PRDM4: variants seen among roughly 807,000 people sequenced by gnomAD.
PRDM4 encodes PR domain zinc finger protein 4.
PRDM4 carries 38 observed loss-of-function variants against 62.3 expected under a neutral mutation model. That is an observed-to-expected ratio of 0.61 (90% CI 0.47 to 0.80). The LOEUF (loss-of-function observed/expected upper bound fraction) is 0.80. Among genes scored for constraint, PRDM4 ranks in the 30% least tolerant of loss-of-function variants. The pLI is 0.00. For synonymous variants in PRDM4, 339 were observed against 348.2 expected (o/e 0.97, Z 0.30); for missense variants, 858 against 997.1 (o/e 0.86, Z 1.88).
At position 107,739,196 on chromosome 12, in the gene PRDM4, C is replaced by G. The variant is rs146262943; in HGVS notation, c.2093+187G>C. ...AAGAAAGCCAACAACTGAAATCTTC[C>G]AGGATAACACCAAAAAAAGTGTTCC... On this transcript the variant is annotated intron_variant, in intron 11 of 11. Transcript: ENST00000228437. 382 of 531,062 alleles carry G rather than the reference C, an allele frequency of 7.2e-4. 2 individuals are homozygous for G. The East Asian group carries it at 0.012, about 16-fold the overall frequency. 32.9% of individuals were successfully genotyped at this position (531,062 alleles called of 1,614,324 possible).
chr12:107,739,254 C>A (rs1890437206), intron 11 of PRDM4, 129 bp downstream of exon 11: 2 of 1,004,208 alleles, frequency 2.0e-6, no homozygotes, highest in Non-Finnish European at 2.8e-6. Context: ...ACACAGAAGG[C>A]ATCTACCATG....
intron 10 of PRDM4, among the ~76,000 whole-genome samples, chr12:107,740,342 T>C (rs1890477156): frequency 6.6e-6 from 1 of 151,824 alleles, no homozygotes; most frequent in Admixed American, 6.6e-5. Flanking sequence ...CAAAAATTAG[T>C]CAGGTGTGGT....
chr12:107,746,947 C>A (rs1360703497), intron 5 of PRDM4, among the ~76,000 whole-genome samples: 1 of 151,724 alleles, frequency 6.6e-6, no homozygotes, highest in Non-Finnish European at 1.5e-5. Context: ...TTCTTTTGAT[C>A]CAACAGGACA....
rs1046519490 is a variant in PRDM4 at position 107,757,098 on chromosome 12, A to G, written c.12-133T>C. On this transcript the variant is annotated intron_variant, in intron 2 of 11. Coordinates refer to ENST00000228437, the MANE Select transcript of PRDM4 (RefSeq NM_012406.4). ...AACTATTAGTTCACTTTTACGCTCA[A>G]CAATTCTCTTAGATAGCTAGTGCCA... 6.6e-5 allele frequency: 55 copies of G among 836,826 alleles called. No homozygotes were observed. In the African/African-American group the frequency reaches 7.4e-4, roughly 11 times the overall value. The allele number at this position is 836,826 out of a possible 1,614,324, so 51.8% of individuals were successfully genotyped here. A position where few individuals can be genotyped will look rare whatever the true frequency, so the allele number is the denominator to read the frequency against.
chr12:107,741,919 G>A (rs1890530743), intron 9 of PRDM4, among the ~76,000 whole-genome samples: 1 of 152,166 alleles, frequency 6.6e-6, no homozygotes, highest in African/African-American at 2.4e-5. Flanking sequence ...GGACTTCGCT[G>A]TCCTTCATGA....
intron 3 of PRDM4, among the ~76,000 whole-genome samples, chr12:107,755,516 TAAAC>T (rs1326223097): frequency 6.6e-6 from 1 of 152,198 alleles, no homozygotes; most frequent in Non-Finnish European, 1.5e-5. Context: ...TGTGGACACT[TAAAC>T]AAATGTGAAG....
chr12:107,748,780 C>T (rs10861774), intron 5 of PRDM4, among the ~76,000 whole-genome samples: 91,291 of 151,908 alleles, frequency 0.6, 28,417 homozygotes, highest in East Asian at 0.7. Context: ...CTTGTAAATA[C>T]ACCAAAAAAA....
Position 107,753,998 on chromosome 12 carries a change from G to C in PRDM4, c.257C>G (p.Pro86Arg). 6.2e-7 allele frequency: 1 copy of C among 1,614,028 alleles called. No homozygotes were observed. Among genetic ancestry groups the C allele is most frequent in the Non-Finnish European group, 8.5e-7 (1 of 1,179,960 alleles). The change falls in exon 4 of 12, where the codon CCT becomes CGT. Residue 86 changes from proline to arginine, a missense_variant. Coordinates refer to ENST00000228437, the MANE Select transcript of PRDM4 (RefSeq NM_012406.4). The stretch of plus-strand genomic sequence containing the variant: ...TGGAGGTAGGGTGTAGTTTCTTTCA[G>C]GTAACCCACACATCACCCCTCGATC... ...IGDRGVMCGL[P>R]ERNYTLPPPP...
chr12:107,758,723 A>C (rs1891138155), intron 2 of PRDM4, among the ~76,000 whole-genome samples: 1 of 152,198 alleles, frequency 6.6e-6, no homozygotes, highest in South Asian at 2.1e-4. Context: ...TTCCACATAG[A>C]CCTGTTTCTT....
intron 7 of PRDM4, 118 bp from the exon 8 acceptor site, chr12:107,743,400 G>C (rs772839376): frequency 1.5e-6 from 1 of 669,414 alleles, no homozygotes; most frequent in Non-Finnish European, 2.6e-6. Context: ...AGCTTTCTTA[G>C]TGGGAAAATA....
At chr12:107,736,538 C>T (rs528337782) in intron 11 of PRDM4, 1 of 152,318 alleles carries the variant, frequency 6.6e-6, no homozygotes, top group Admixed American at 6.5e-5. Context: ...GGAGAGGTAG[C>T]CAAGTACTAT....
intron 3 of PRDM4, 130 bp downstream of exon 3, chr12:107,756,702 C>T: frequency 9.3e-7 from 1 of 1,076,596 alleles, no homozygotes; most frequent in Non-Finnish European, 1.3e-6. Flanking sequence ...TGTTGAACCA[C>T]CATTCAGGCC....
At position 107,739,560 on chromosome 12, in the gene PRDM4, A is replaced by G. The variant is rs765167980; in HGVS notation, c.1925-9T>C. ...CCTGTAGTTCTTCTGACCTGCAATCAGCCCAAAGTATTACACCGTGAAGAA... is the reference window on the plus strand; with the variant it reads ...CCTGTAGTTCTTCTGACCTGCAATCGGCCCAAAGTATTACACCGTGAAGAA... On this transcript the variant is annotated splice_polypyrimidine_tract_variant and intron_variant, in intron 10 of 11. Transcript: ENST00000228437. 1.3e-5 allele frequency: 21 copies of G among 1,611,702 alleles called. No individual in the cohort carries two copies. The Middle Eastern group carries it at 6.6e-4, about 51-fold the overall frequency.
chr12:107,743,630 G>A (rs1187102529), intron 7 of PRDM4, among the ~76,000 whole-genome samples: 4 of 152,094 alleles, frequency 2.6e-5, no homozygotes, highest in East Asian at 1.9e-4. Context: ...GTCCATTAAG[G>A]GCAGAGGATC....
chr12:107,747,916 G>A (rs904625664), intron 5 of PRDM4, among the ~76,000 whole-genome samples: 20 of 152,232 alleles, frequency 1.3e-4, no homozygotes, highest in Middle Eastern at 3.4e-3. Context: ...ACGTCTGGCT[G>A]ATTTTTTAAT....
At chr12:107,756,295 T>C (rs1431165714) in intron 3 of PRDM4, among the ~76,000 whole-genome samples, 2 of 152,122 alleles carry the variant, frequency 1.3e-5, no homozygotes, top group Non-Finnish European at 2.9e-5. Flanking sequence ...ATTTTTCCTA[T>C]ACGATTTTGC....
At chr12:107,747,565 T>C (rs941697896) in intron 5 of PRDM4, among the ~76,000 whole-genome samples, 5 of 152,196 alleles carry the variant, frequency 3.3e-5, no homozygotes, top group Admixed American at 6.5e-5. Flanking sequence ...TCTTTCTGCA[T>C]TGGCAGAGAG....
At chr12:107,752,588 ATAATT>A (rs1278271344) in intron 4 of PRDM4, among the ~76,000 whole-genome samples, 2 of 152,078 alleles carry the variant, frequency 1.3e-5, no homozygotes, top group East Asian at 1.9e-4. Flanking sequence ...TTAATTAAAT[ATAATT>A]TAATATAATT....
chr12:107,752,792 C>A (rs1890938930), intron 4 of PRDM4, among the ~76,000 whole-genome samples: 1 of 151,996 alleles, frequency 6.6e-6, no homozygotes, highest in South Asian at 2.1e-4. Context: ...ATGTTAATAC[C>A]CTCTTGCACA....
Sources: allele counts gnomAD v4.1 joint callset (sites outside exome capture counted in the v4.1 genomes callset), GRCh38; gene constraint gnomAD v4.1.1; transcripts MANE v1.5; gene names NCBI Gene and HGNC (gene_info 2026-07-23, HGNC 2026-07-21).